Variants in PKD2L2 observed in about 807,000 individuals in gnomAD.
The protein encoded by PKD2L2 is polycystin-2-like protein 2.
In PKD2L2, 67 loss-of-function variants were observed where a neutral mutation model predicts 83.9. The observed-to-expected ratio is 0.80, with a 90% CI of 0.66 to 0.98. The LOEUF is 0.98. Ranked by LOEUF, PKD2L2 falls within the 50% of genes least tolerant of loss-of-function variation. The probability of loss-of-function intolerance (pLI) is 0.00; values close to 1 mark genes in which losing one functional copy is unlikely to be tolerated. For missense variants in PKD2L2, 632 were observed against 717.2 expected, an observed-to-expected ratio of 0.88 and a Z score of 1.36; for synonymous variants, 223 against 237.8, an observed-to-expected ratio of 0.94 and a Z score of 0.57.
chr5:137,894,632 G>C (rs1230500805), intron 4 of PKD2L2, 23 bp downstream of exon 4: 1 of 1,572,878 alleles, frequency 6.4e-7, no homozygotes, highest in South Asian at 1.1e-5. Flanking sequence ...AAATTATACT[G>C]TAACTTTTTC....
intron 3 of PKD2L2, among the ~76,000 whole-genome samples, chr5:137,893,342 A>T (rs950085930): frequency 1.3e-5 from 2 of 152,194 alleles, no homozygotes; most frequent in African/African-American, 4.8e-5. Flanking sequence ...TAAGGGAATC[A>T]TTCCTTCAGC....
intron 4 of PKD2L2, 94 bp from the exon 5 acceptor site, chr5:137,899,422 A>C (rs1207229681): frequency 2.2e-6 from 2 of 910,280 alleles, no homozygotes; most frequent in Non-Finnish European, 3.4e-6. Context: ...TGGCCAAAAA[A>C]CTACTACTTT....
chr5:137,926,883 A>C (rs1403677848), intron 12 of PKD2L2, among the ~76,000 whole-genome samples: 1 of 152,160 alleles, frequency 6.6e-6, no homozygotes, highest in African/African-American at 2.4e-5. Context: ...GTGAGACTTG[A>C]GTATATGCAG....
Position 137,908,060 on chromosome 5 carries a change from C to G in PKD2L2, c.1146+148C>G. On this transcript the variant is annotated intron_variant, in intron 7 of 14. Coordinates refer to ENST00000508883, the MANE Select transcript of PKD2L2 (RefSeq NM_001300921.2). ...GCCAGCACAGTGGCTCATACCTGTA[C>G]TCCTAGCACTTTGGAAGGCCAAGGC... The G allele has an allele frequency of 1.5e-5, 6 of 395,268 alleles. No individual in the cohort carries two copies. The South Asian group carries it at 5.1e-4, about 34-fold the overall frequency. 24.5% of individuals were successfully genotyped at this position (395,268 alleles called of 1,614,324 possible).
At chr5:137,899,080 A>T (rs993771205) in intron 4 of PKD2L2, among the ~76,000 whole-genome samples, 6 of 152,118 alleles carry the variant, frequency 3.9e-5, no homozygotes, top group African/African-American at 1.4e-4. Context: ...ACTGCTTTTT[A>T]AAAAACTACT....
intron 8 of PKD2L2, among the ~76,000 whole-genome samples, chr5:137,917,943 A>C (rs903718821): frequency 6.6e-6 from 1 of 152,106 alleles, no homozygotes; most frequent in African/African-American, 2.4e-5. Context: ...CACATTTTGG[A>C]GCCATTGCAC....
At chr5:137,905,820 G>C (rs1413778504) in intron 5 of PKD2L2, among the ~76,000 whole-genome samples, 1 of 152,126 alleles carries the variant, frequency 6.6e-6, no homozygotes, top group Non-Finnish European at 1.5e-5. Flanking sequence ...TTGGGGAAGA[G>C]TTTTAACTAA....
In PKD2L2 at chr5:137,941,992, C is replaced by T. The variant is rs140719073; in HGVS notation, c.*18-392C>T. 35 of 1,613,890 alleles carry T rather than the reference C, an allele frequency of 2.2e-5. No homozygotes were observed. In the South Asian group the frequency reaches 2.6e-4, roughly 12 times the overall value. On this transcript the variant is annotated intron_variant, in intron 14 of 14. Transcript: ENST00000508883. ...TTCTTCAAATTCCCGCAACGTTTTG[C>T]GTAGTTTCTTTTTTTCAGCTCTGGC...
At chr5:137,897,399 C>A (rs1486722889) in intron 4 of PKD2L2, among the ~76,000 whole-genome samples, 1 of 152,050 alleles carries the variant, frequency 6.6e-6, no homozygotes, top group Non-Finnish European at 1.5e-5. Context: ...TCTTTCAACC[C>A]CAAATTACAA....
chr5:137,936,534 CA>C, intron 14 of PKD2L2, 107 bp downstream of exon 14: 2 of 773,700 alleles, frequency 2.6e-6, no homozygotes, highest in Non-Finnish European at 4.0e-6. Flanking sequence ...CGGCTCACTG[CA>C]AACTCCACCT....
intron 6 of PKD2L2, among the ~76,000 whole-genome samples, chr5:137,907,158 G>C (rs1757436495): frequency 6.6e-6 from 1 of 152,146 alleles, no homozygotes; most frequent in Non-Finnish European, 1.5e-5. Flanking sequence ...AGGTTTCTGA[G>C]AGTCAGAAAG....
chr5:137,898,112 A>G (rs1339779693), intron 4 of PKD2L2, among the ~76,000 whole-genome samples: 1 of 151,976 alleles, frequency 6.6e-6, no homozygotes, highest in Non-Finnish European at 1.5e-5. Context: ...TATAACAGGC[A>G]TGCGCCACCA....
chr5:137,927,891 G>A (rs1561704395), intron 12 of PKD2L2, among the ~76,000 whole-genome samples: 1 of 152,158 alleles, frequency 6.6e-6, no homozygotes, highest in Non-Finnish European at 1.5e-5. Flanking sequence ...CAGGCCGGGT[G>A]CGGTGGCTCA....
intron 12 of PKD2L2, 56 bp downstream of exon 12, chr5:137,925,985 C>A: frequency 1.1e-6 from 1 of 879,158 alleles, no homozygotes; most frequent in South Asian, 1.6e-5. Flanking sequence ...GAAATATGCT[C>A]ACAAAAACGC....
intron 12 of PKD2L2, among the ~76,000 whole-genome samples, chr5:137,934,746 G>A (rs1285300534): frequency 6.6e-6 from 1 of 152,076 alleles, no homozygotes; most frequent in Non-Finnish European, 1.5e-5. Flanking sequence ...CGGGAGGGGT[G>A]GTTAGCATTC....
In PKD2L2 at chr5:137,915,536, C is replaced by T. The variant is rs796707852; in HGVS notation, c.1329-6100C>T. On this transcript the variant is annotated intron_variant, in intron 8 of 14. Transcript: ENST00000508883. ...CTCCCAGATTCAAGCAATTCTCCTG[C>T]CTCAGCCTCCTGAGTAGCTGGGATT... Among the ~76,000 whole-genome samples the T allele has an allele frequency of 2.6e-5, 4 of 152,296 alleles. No homozygotes were observed. In the East Asian group the frequency reaches 7.7e-4, roughly 29 times the overall value.
At chr5:137,935,968 T>G in intron 13 of PKD2L2, 59 bp downstream of exon 13, 1 of 929,428 alleles carries the variant, frequency 1.1e-6, no homozygotes, top group Admixed American at 2.1e-5. Context: ...ATTAAGGACA[T>G]GAGTTAAACA....
chr5:137,923,119 G>C (rs1349980827), intron 9 of PKD2L2, among the ~76,000 whole-genome samples: 1 of 151,572 alleles, frequency 6.6e-6, no homozygotes, highest in Non-Finnish European at 1.5e-5. Flanking sequence ...GGGTTCAAGA[G>C]ATTCTCCTGC....
At chr5:137,935,956 G>A (rs746993237) in intron 13 of PKD2L2, 47 bp downstream of exon 13, 7 of 1,025,082 alleles carry the variant, frequency 6.8e-6, no homozygotes, top group African/African-American at 3.2e-5. Flanking sequence ...CATGACATGC[G>A]CATTAAGGAC....
Sources: gnomAD v4.1 joint callset for allele counts (sites outside exome capture counted in the v4.1 genomes callset) on GRCh38, gnomAD v4.1.1 for gene constraint, MANE v1.5 for transcripts, NCBI Gene and HGNC (gene_info 2026-07-23, HGNC 2026-07-21) for gene names.